RPF2: variants seen among roughly 807,000 people sequenced by gnomAD.
The protein encoded by RPF2 is brix domain containing 1.
In RPF2, 21 loss-of-function variants were observed where a neutral mutation model predicts 38.9. The observed-to-expected ratio is 0.54, with a 90% confidence interval of 0.38 to 0.78. The LOEUF (loss-of-function observed/expected upper bound fraction) is 0.78, where lower values mean the gene tolerates loss of function less well. Among genes scored for constraint, RPF2 ranks in the 30% least tolerant of loss-of-function variants. The pLI, the probability that RPF2 is intolerant of heterozygous loss-of-function variation, is 0.00. For missense variants in RPF2, 314 were observed against 358.1 expected, an observed-to-expected ratio of 0.88 and a Z score of 0.99; for synonymous variants, 121 against 126.2, an observed-to-expected ratio of 0.96 and a Z score of 0.28.
intron 5 of RPF2, among the ~76,000 whole-genome samples, chr6:110,998,429 T>A (rs1050394937): frequency 6.7e-6 from 1 of 150,230 alleles, no homozygotes; most frequent in Non-Finnish European, 1.5e-5. Flanking sequence ...AGCTGATTAC[T>A]AGCTGCTGAT....
intron 8 of RPF2, among the ~76,000 whole-genome samples, chr6:111,017,961 G>A (rs942004755): frequency 6.6e-5 from 10 of 152,140 alleles, no homozygotes; most frequent in African/African-American, 1.9e-4. Context: ...CTGCAATCCC[G>A]GCACCTCTGG....
chr6:111,026,680 T>G lies in RPF2; in HGVS notation c.*1098T>G, dbSNP rs1417666221. 6.6e-6 allele frequency: 1 copy of G among 152,246 alleles called. No individual in the cohort carries two copies. Among genetic ancestry groups the G allele is most frequent in the Non-Finnish European group, 1.5e-5 (1 of 68,052 alleles). 9.4% of individuals were successfully genotyped at this position (152,246 alleles called of 1,614,324 possible). Reference sequence around the variant, plus strand: ...CTAACTACTTGTTTTGAAAGTTTCTTGAAGACAGGCCTTGTGCCTAGGAAA... The same window carrying G: ...CTAACTACTTGTTTTGAAAGTTTCTGGAAGACAGGCCTTGTGCCTAGGAAA... On this transcript the variant is annotated 3_prime_UTR_variant, in exon 10 of 10. Transcript: ENST00000441448.
intron 3 of RPF2, among the ~76,000 whole-genome samples, chr6:110,991,032 G>C (rs565762076): frequency 7.2e-4 from 110 of 152,166 alleles, no homozygotes; most frequent in African/African-American, 2.6e-3. Context: ...ATCTGTGGGC[G>C]ATGGGTTCCA....
At chr6:110,992,116 G>C (rs1422065817) in intron 4 of RPF2, among the ~76,000 whole-genome samples, 3 of 152,088 alleles carry the variant, frequency 2.0e-5, no homozygotes, top group Admixed American at 2.0e-4. Context: ...AGACCAGCCT[G>C]ACCAACATGG....
chr6:110,986,471 G>A (rs1001390855), intron 2 of RPF2, among the ~76,000 whole-genome samples: 2 of 152,200 alleles, frequency 1.3e-5, no homozygotes, highest in Non-Finnish European at 2.9e-5. Flanking sequence ...AGTGCCTGAT[G>A]GGCAATAATG....
At chr6:110,989,385 A>G (rs1234371928) in intron 3 of RPF2, among the ~76,000 whole-genome samples, 2 of 152,186 alleles carry the variant, frequency 1.3e-5, no homozygotes, top group African/African-American at 4.8e-5. Context: ...GCAATGATCA[A>G]AACTAATAAA....
At position 110,999,767 on chromosome 6, in the gene RPF2, G is replaced by T. The variant is rs564455332; in HGVS notation, c.373G>T (p.Val125Phe). 1.9e-4 allele frequency: 300 copies of T among 1,589,682 alleles called. 1 individual carries two copies. The South Asian group carries it at 3.3e-3, about 17-fold the overall frequency. Residue 125 changes from valine (V) to phenylalanine (F), a missense_variant, in exon 6 of 10, where the codon GTC becomes TTC. Transcript: ENST00000441448. ...GATTGAATTAGGTATTGAGAATTTT[G>T]TCTCTCTAAAAGACATTAAGGTAAG... ...DMIELGIENF[V>F]SLKDIKNSKC...
At chr6:111,015,630 A>G in intron 7 of RPF2, 124 bp from the exon 8 acceptor site, 1 of 660,634 alleles carries the variant, frequency 1.5e-6, no homozygotes, top group Non-Finnish European at 2.6e-6. Context: ...GACATTTTTC[A>G]GGAATCATTT....
At chr6:111,017,148 C>G (rs1034409909) in intron 8 of RPF2, among the ~76,000 whole-genome samples, 1 of 152,212 alleles carries the variant, frequency 6.6e-6, no homozygotes. Flanking sequence ...CCTTTCCACT[C>G]GACAAAACCG....
chr6:111,020,851 A>C (rs1772219266), intron 8 of RPF2, among the ~76,000 whole-genome samples: 1 of 139,536 alleles, frequency 7.2e-6, no homozygotes, highest in Admixed American at 6.9e-5. Context: ...CTCCATTTCA[A>C]AAAAAGAGAA....
chr6:111,017,735 A>G (rs1418736378), intron 8 of RPF2, among the ~76,000 whole-genome samples: 319 of 118,770 alleles, frequency 2.7e-3, no homozygotes, highest in East Asian at 0.014. Flanking sequence ...CAGACTGGGC[A>G]GCCGGGCAGA....
At position 111,008,044 on chromosome 6, in the gene RPF2, A is replaced by G; in HGVS notation, c.400A>G (p.Lys134Glu). 1 of 1,579,632 alleles carries G rather than the reference A, an allele frequency of 6.3e-7. No individual in the cohort carries two copies. Among genetic ancestry groups the G allele is most frequent in the Non-Finnish European group, 8.6e-7 (1 of 1,167,642 alleles). ...FVSLKDIKNS[K>E]CPEGTKPMLI... ...TTTTTTTTTTTTTTTTTAGAACAGT[A>G]AATGTCCTGAGGGAACAAAACCCAT... Residue 134 changes from lysine (K) to glutamate (E), a missense_variant, in exon 7 of 10, where the codon AAA becomes GAA. By Grantham distance (56) the Lys-to-Glu change is moderately conservative. Coordinates refer to ENST00000441448, the MANE Select transcript of RPF2 (RefSeq NM_032194.3).
intron 7 of RPF2, among the ~76,000 whole-genome samples, chr6:111,011,089 C>T (rs1249721321): frequency 1.3e-5 from 2 of 152,106 alleles, no homozygotes; most frequent in African/African-American, 2.4e-5. Flanking sequence ...TGAAACCCAA[C>T]GCTTCCAAAG....
chr6:111,012,512 A>G (rs948792812), intron 7 of RPF2, among the ~76,000 whole-genome samples: 2 of 152,136 alleles, frequency 1.3e-5, no homozygotes, highest in Non-Finnish European at 2.9e-5. Flanking sequence ...GGTTGTTTAA[A>G]AAAATTTGGA....
intron 7 of RPF2, among the ~76,000 whole-genome samples, chr6:111,010,540 T>C (rs1370055327): frequency 6.6e-6 from 1 of 152,222 alleles, no homozygotes; most frequent in Non-Finnish European, 1.5e-5. Flanking sequence ...CAGCAGTCCT[T>C]TATGGTCCTA....
rs200160926 is a variant in RPF2 at position 110,983,804 on chromosome 6, T to G, written c.24-1202T>G. ...ACTTTGGGAGGCTGAGGCGGGGGGG[T>G]GGGTCACGAGGTCAGGAGATCGAGA... On this transcript the variant is annotated intron_variant, in intron 1 of 9. Coordinates refer to ENST00000441448, the MANE Select transcript of RPF2 (RefSeq NM_032194.3). Among the ~76,000 whole-genome samples, 70 of 86,976 alleles carry G rather than the reference T, an allele frequency of 8.0e-4. No individual in the cohort carries two copies. In the East Asian group the frequency reaches 0.046, roughly 58 times the overall value. 57.1% of individuals were successfully genotyped at this position (86,976 alleles called of 152,430 possible).
intron 5 of RPF2, among the ~76,000 whole-genome samples, chr6:110,997,780 G>A (rs551665910): frequency 2.0e-5 from 3 of 152,204 alleles, no homozygotes; most frequent in South Asian, 2.1e-4. Flanking sequence ...CGCTTTGAGC[G>A]CCAAGCAGGC....
intron 6 of RPF2, among the ~76,000 whole-genome samples, chr6:111,005,606 G>A (rs1488577359): frequency 6.6e-6 from 1 of 152,102 alleles, no homozygotes; most frequent in East Asian, 1.9e-4. Context: ...TGTCCAGCTG[G>A]TAGTTTAATT....
intron 3 of RPF2, among the ~76,000 whole-genome samples, chr6:110,990,886 C>T (rs1489918489): frequency 1.3e-5 from 2 of 152,092 alleles, no homozygotes; most frequent in Non-Finnish European, 2.9e-5. Context: ...AACTCTTTTA[C>T]GTTGGTTCCT....
Sources: gnomAD v4.1 joint callset for allele counts (sites outside exome capture counted in the v4.1 genomes callset) on GRCh38, gnomAD v4.1.1 for gene constraint, MANE v1.5 for transcripts, NCBI Gene and HGNC (gene_info 2026-07-23, HGNC 2026-07-21) for gene names.